The following CDH20 variants were observed in gnomAD, a reference collection of about 807,000 sequenced individuals.
CDH20 encodes the protein cadherin-20.
CDH20 carries 29 observed loss-of-function variants against 74.2 expected under a neutral mutation model. That is an observed-to-expected ratio of 0.39 (90% CI 0.29 to 0.53). The LOEUF (loss-of-function observed/expected upper bound fraction) is 0.53, where lower values mean the gene tolerates loss of function less well. Ranked by LOEUF, CDH20 falls within the 20% of genes least tolerant of loss-of-function variation. The probability of loss-of-function intolerance (pLI) is 0.69; values close to 1 mark genes in which losing one functional copy is unlikely to be tolerated. For missense variants in CDH20, 988 were observed against 1,048.3 expected, an observed-to-expected ratio of 0.94 and a Z score of 0.79; for synonymous variants, 469 against 405.4, an observed-to-expected ratio of 1.16 and a Z score of -1.88.
At chr18:61,400,531 G>C (rs1912122673) in intron 1 of CDH20, among the ~76,000 whole-genome samples, 1 of 152,136 alleles carries the variant, frequency 6.6e-6, no homozygotes, top group African/African-American at 2.4e-5. Flanking sequence ...ATCAAACCTA[G>C]ATTTAAAGGA....
intron 1 of CDH20, among the ~76,000 whole-genome samples, chr18:61,381,001 C>A (rs972566519): frequency 1.3e-5 from 2 of 152,100 alleles, no homozygotes; most frequent in Non-Finnish European, 2.9e-5. Context: ...TGCTAATTAG[C>A]CCTTCAAATT....
intron 11 of CDH20, among the ~76,000 whole-genome samples, chr18:61,553,972 A>G (rs557715315): frequency 1.2e-4 from 18 of 152,312 alleles, no homozygotes; most frequent in South Asian, 6.2e-4. Flanking sequence ...AACCATTTGA[A>G]GAAATACAGG....
chr18:61,554,520 C>T lies in CDH20; in HGVS notation c.2231C>T (p.Ser744Phe), dbSNP rs774840430. The change falls in exon 12 of 12, where the codon TCC becomes TTC. Residue 744 changes from serine (S) to phenylalanine (F), a missense_variant. Ser to Phe is a radical substitution (Grantham distance 155). Transcript: ENST00000262717. ...DMDLWAPPFD[S>F]LQTYMFEGDG... The stretch of plus-strand genomic sequence containing the variant: ...GACCTGTGGGCACCGCCCTTCGACT[C>T]CCTCCAGACGTATATGTTCGAGGGG... The T allele has an allele frequency of 1.2e-6, 2 of 1,613,000 alleles. No homozygotes were observed. Among genetic ancestry groups the T allele is most frequent in the Non-Finnish European group, 1.7e-6 (2 of 1,179,840 alleles).
intron 9 of CDH20, among the ~76,000 whole-genome samples, chr18:61,544,410 C>T (rs1913152853): frequency 6.6e-6 from 1 of 152,228 alleles, no homozygotes; most frequent in Non-Finnish European, 1.5e-5. Flanking sequence ...GTGTGACAGC[C>T]TGAGTTCTTG....
chr18:61,335,819 C>A (rs1909739680), intron 1 of CDH20, among the ~76,000 whole-genome samples: 1 of 152,190 alleles, frequency 6.6e-6, no homozygotes, highest in South Asian at 2.1e-4. Context: ...ACATTTTTAG[C>A]ATGTGTGCCA....
rs138777415 is a variant in CDH20 at position 61,457,803 on chromosome 18, G to C, written c.-152-32599G>C. ...ACCAAAACTTAAAACAGAGAAAGCT[G>C]AGAATTCTCCAGCCTCTACCCCACC... On this transcript the variant is annotated intron_variant, in intron 1 of 11. Transcript: ENST00000262717. Among the ~76,000 whole-genome samples the C allele has an allele frequency of 4.2e-3, 636 of 152,230 alleles. 4 individuals carry two copies. The highest frequency in any genetic ancestry group is 0.015 in the African/African-American group (603 of 41,542).
intron 1 of CDH20, among the ~76,000 whole-genome samples, chr18:61,476,312 G>A (rs1368254676): frequency 6.6e-6 from 1 of 152,084 alleles, no homozygotes; most frequent in Non-Finnish European, 1.5e-5. Flanking sequence ...TGCTAAATGA[G>A]ACCATCTGGA....
At chr18:61,547,946 T>TCA (rs1913309706) in intron 10 of CDH20, among the ~76,000 whole-genome samples, 1 of 152,182 alleles carries the variant, frequency 6.6e-6, no homozygotes. Context: ...GTATAATACT[T>TCA]TTATGAATTT....
At chr18:61,354,558 G>A (rs1016658971) in intron 1 of CDH20, among the ~76,000 whole-genome samples, 14 of 152,128 alleles carry the variant, frequency 9.2e-5, no homozygotes, top group East Asian at 5.8e-4. Flanking sequence ...GTAGTGAGCC[G>A]AAATAGCACC....
At chr18:61,549,862 G>C (rs1373041001) in intron 10 of CDH20, 116 bp from the exon 11 acceptor site, 12 of 1,069,354 alleles carry the variant, frequency 1.1e-5, no homozygotes, top group Non-Finnish European at 1.5e-5. Flanking sequence ...CACTACCAGG[G>C]AATATCTGAC....
chr18:61,515,270 C>T (rs1184550510), intron 6 of CDH20, among the ~76,000 whole-genome samples: 1 of 152,136 alleles, frequency 6.6e-6, no homozygotes, highest in Non-Finnish European at 1.5e-5. Context: ...TTTCCAGGTG[C>T]TGTCCGTCAC....
intron 7 of CDH20, among the ~76,000 whole-genome samples, chr18:61,531,663 C>T (rs899390125): frequency 6.6e-6 from 1 of 152,200 alleles, no homozygotes; most frequent in African/African-American, 2.4e-5. Flanking sequence ...TGTGTCCCCA[C>T]CCAAATCTCA....
chr18:61,528,299 C>G (rs558937013), intron 7 of CDH20, 79 bp downstream of exon 7: 1 of 1,433,632 alleles, frequency 7.0e-7, no homozygotes, highest in South Asian at 1.3e-5. Flanking sequence ...GCACTTTTCC[C>G]TTTGTTTCTT....
Position 61,429,057 on chromosome 18 carries a change from G to A in CDH20, c.-152-61345G>A, listed in dbSNP as rs62098091. Among the ~76,000 whole-genome samples the A allele has an allele frequency of 4.6e-3, 703 of 152,234 alleles. 1 individual carries two copies. The highest frequency in any genetic ancestry group is 0.014 in the Middle Eastern group (4 of 294). On this transcript the variant is annotated intron_variant, in intron 1 of 11. Transcript: ENST00000262717. ...CTTAGGGAACACACCAGTGGAGAGC[G>A]TTATGTAGGAATTTCTAGGTGGTGA...
chr18:61,550,807 G>C (rs757182712), intron 11 of CDH20, among the ~76,000 whole-genome samples: 5 of 152,208 alleles, frequency 3.3e-5, no homozygotes, highest in Non-Finnish European at 7.3e-5. Context: ...AAGGTATCCT[G>C]GTTGGAAAAG....
chr18:61,434,865 T>C (rs1908779285), intron 1 of CDH20, among the ~76,000 whole-genome samples: 1 of 152,192 alleles, frequency 6.6e-6, no homozygotes, highest in Non-Finnish European at 1.5e-5. Flanking sequence ...CTAATTTTTA[T>C]ACATCTTCAC....
intron 6 of CDH20, among the ~76,000 whole-genome samples, chr18:61,527,353 G>A: frequency 1.9e-5 from 1 of 53,744 alleles, no homozygotes; most frequent in African/African-American, 4.9e-5. Flanking sequence ...GGCCTCAGTT[G>A]CATGAATATT....
At chr18:61,440,459 G>A (rs532076927) in intron 1 of CDH20, among the ~76,000 whole-genome samples, 33 of 152,230 alleles carry the variant, frequency 2.2e-4, no homozygotes, top group African/African-American at 3.6e-4. Context: ...AGACATAGCC[G>A]ACTAATACAC....
At chr18:61,341,133 T>A (rs1412725879) in intron 1 of CDH20, among the ~76,000 whole-genome samples, 2 of 152,206 alleles carry the variant, frequency 1.3e-5, no homozygotes, top group Non-Finnish European at 2.9e-5. Flanking sequence ...GCCAATGTTC[T>A]CTTATGTTTT....
Sources: gnomAD v4.1 joint callset for allele counts (sites outside exome capture counted in the v4.1 genomes callset) on GRCh38, gnomAD v4.1.1 for gene constraint, MANE v1.5 for transcripts, NCBI Gene and HGNC (gene_info 2026-07-23, HGNC 2026-07-21) for gene names.